Variants in TAS2R30 observed in about 807,000 individuals in gnomAD.
TAS2R30 encodes taste receptor type 2 member 30.
For missense variants in TAS2R30, 395 were observed against 371.6 expected (o/e 1.06, Z -0.52); for synonymous variants, 141 against 131.6 (o/e 1.07, Z -0.49).
At chr12:11,133,418 G>C (rs1363212314) in exon 1 of TAS2R30, 1 of 1,613,820 alleles carries the variant, frequency 6.2e-7, no homozygotes, top group African/African-American at 1.3e-5. Context: ...CAGGATGAAT[G>C]GGTGGGTTGA....
At chr12:11,134,203 C>T in exon 1 of TAS2R30, 1 of 1,613,618 alleles carries the variant, frequency 6.2e-7, no homozygotes. Flanking sequence ...CAAATATAAC[C>T]ACTATTAGAA....
At position 11,133,880 on chromosome 12, in the gene TAS2R30, T is replaced by C; in HGVS notation, c.365A>G (p.Lys122Arg). 2 of 1,614,168 alleles carry C rather than the reference T, an allele frequency of 1.2e-6. No individual in the cohort carries two copies. The highest frequency in any genetic ancestry group is 2.7e-5 in the African/African-American group (2 of 75,058). The change falls in exon 1 of 1, where the codon AAG (lysine) becomes AGG (arginine). Residue 122 changes from lysine to arginine, a missense_variant. By Grantham distance (26) the Lys-to-Arg change is conservative. Coordinates refer to ENST00000539585, the Ensembl canonical transcript of TAS2R30. ...CAGAACAACACTCTTAACTCTCCTC[T>C]TTATGCGAAGAAAAATAAGGTTGGA...
At chr12:11,133,914 C>CA in the TAS2R30 span, 1 of 1,614,106 alleles carries the variant, frequency 6.2e-7, no homozygotes, top group Non-Finnish European at 8.5e-7. Context: ...GAGAAATTGG[C>CA]AATCCTGAGC....
exon 1 of TAS2R30, chr12:11,134,561 G>A: frequency 3.3e-6 from 1 of 298,978 alleles, no homozygotes; most frequent in South Asian, 5.5e-5. Flanking sequence ...ATTCTCATTT[G>A]CTAGTATGCA....
At chr12:11,134,385 A>G in exon 1 of TAS2R30, 1 of 1,081,654 alleles carries the variant, frequency 9.2e-7, no homozygotes, top group Non-Finnish European at 1.3e-6. Flanking sequence ...AATTGCTGTG[A>G]CCAGTGTCAA....
chr12:11,133,870 A>T, exon 1 of TAS2R30: 1 of 1,614,184 alleles, frequency 6.2e-7, no homozygotes, highest in Non-Finnish European at 8.5e-7. Flanking sequence ...CAACACTCTT[A>T]ACTCTCCTCT....
chr12:11,133,288 G>C (rs748451403), exon 1 of TAS2R30: 2 of 1,604,738 alleles, frequency 1.2e-6, no homozygotes, highest in Admixed American at 1.7e-5. Flanking sequence ...TTTTCTGCTA[G>C]AAGACACACA....
At chr12:11,133,433 T>G (rs200591143) in exon 1 of TAS2R30, 3 of 1,579,370 alleles carry the variant, frequency 1.9e-6, no homozygotes, top group South Asian at 1.1e-5. Flanking sequence ...GGTTGAAGGA[T>G]AGCTGAATAT....
chr12:11,133,036 T>A, exon 1 of TAS2R30: 1 of 415,818 alleles, frequency 2.4e-6, no homozygotes, highest in Non-Finnish European at 4.1e-6. Flanking sequence ...AATTGAGGAA[T>A]TTTTGTCATA....
At chr12:11,134,127 T>G (rs1318682196) in exon 1 of TAS2R30, 6 of 1,614,026 alleles carry the variant, frequency 3.7e-6, no homozygotes, top group South Asian at 2.2e-5. Flanking sequence ...AAGGAGATCT[T>G]TTGTCTCTTG....
At chr12:11,133,441 T>A (rs771658517) in exon 1 of TAS2R30, 1 of 1,614,030 alleles carries the variant, frequency 6.2e-7, no homozygotes, top group East Asian at 2.2e-5. Context: ...GATAGCTGAA[T>A]ATAATAGCTT....
rs375822837 is a variant in TAS2R30, at chr12:11,134,089, C to T, written c.156G>A (p.Ala52=). The change falls in exon 1 of 1, where the codon GCG becomes GCA. Residue 52 remains alanine, a synonymous_variant. Transcript: ENST00000539585. ...CCCAGAGCAAACCAACTCTGGAGAC[C>T]GCCAGAGCAGTGAGAATTTGGTCAA... 8.9e-5 allele frequency: 144 copies of T among 1,614,060 alleles called. No homozygotes were observed. In the Middle Eastern group the frequency reaches 9.9e-4, roughly 11 times the overall value.
chr12:11,133,929 A>G (rs1190669229), exon 1 of TAS2R30: 1 of 1,614,174 alleles, frequency 6.2e-7, no homozygotes, highest in Non-Finnish European at 8.5e-7. Flanking sequence ...CTGAGCAAAT[A>G]AAACATGCTG....
the TAS2R30 span, chr12:11,133,346 C>T: frequency 2.5e-6 from 4 of 1,613,580 alleles, no homozygotes; most frequent in Non-Finnish European, 3.4e-6. Flanking sequence ...GTCTTTCACC[C>T]AGTACCTCAC....
Position 11,134,134 on chromosome 12 carries a change from C to G in TAS2R30, c.111G>C (p.Lys37Asn), listed in dbSNP as rs775672335. The change falls in exon 1 of 1, where the codon AAG becomes AAC. Residue 37 changes from lysine to asparagine, a missense_variant. Transcript: ENST00000539585. ...GGTCAACAAAGGAGATCTTTTGTCT[C>G]TTGACCCACTCAATGGAATTTACCA... 12 of 1,614,150 alleles carry G rather than the reference C, an allele frequency of 7.4e-6. No homozygotes were observed. In the South Asian group the frequency reaches 1.3e-4, roughly 18 times the overall value.
At chr12:11,133,321 G>A (rs369010511) in exon 1 of TAS2R30, 31 of 1,613,518 alleles carry the variant, frequency 1.9e-5, no homozygotes, top group Non-Finnish European at 2.5e-5. Flanking sequence ...TGAATCTATG[G>A]AGACGAAGGC....
At chr12:11,133,510 C>T (rs761837405) in exon 1 of TAS2R30, 2 of 1,596,572 alleles carry the variant, frequency 1.3e-6, no homozygotes, top group Admixed American at 3.4e-5. Context: ...CTGATATGAT[C>T]ATGGACAGAA....
exon 1 of TAS2R30, chr12:11,134,005 T>A (rs1339400462): frequency 2.5e-6 from 4 of 1,613,974 alleles, no homozygotes; most frequent in Non-Finnish European, 3.4e-6. Context: ...CAGTAATTCT[T>A]ACTTCTACAC....
chr12:11,133,899 G>A (rs1347051927), exon 1 of TAS2R30: 1 of 1,614,012 alleles, frequency 6.2e-7, no homozygotes, highest in East Asian at 2.2e-5. Context: ...AGAAAAATAA[G>A]GTTGGAGAAA....
Sources: allele counts gnomAD v4.1 joint callset, GRCh38; gene constraint gnomAD v4.1.1; transcripts MANE v1.5; gene names NCBI Gene and HGNC (gene_info 2026-07-23, HGNC 2026-07-21).